Variants in TBCK observed in about 807,000 individuals in gnomAD.
TBCK encodes the protein TBC domain-containing protein kinase-like protein.
A neutral mutation model predicts 113.4 loss-of-function variants in TBCK; 99 were observed. That is an observed-to-expected ratio of 0.87 (90% confidence interval 0.74 to 1.03). The LOEUF (loss-of-function observed/expected upper bound fraction) is 1.03. Ranked by LOEUF, TBCK falls within the 50% of genes least tolerant of loss-of-function variation. The probability of loss-of-function intolerance (pLI) is 0.00; values close to 1 mark genes in which losing one functional copy is unlikely to be tolerated. For synonymous variants in TBCK, 369 were observed against 370.8 expected (o/e 1.00, Z 0.05); for missense variants, 1,045 against 1,061.3 (o/e 0.98, Z 0.21).
chr4:106,312,308 A>G (rs1768283727), intron 1 of TBCK, among the ~76,000 whole-genome samples: 1 of 152,192 alleles, frequency 6.6e-6, no homozygotes, highest in South Asian at 2.1e-4. Context: ...TAAATAGGTA[A>G]AAGTCACAAA....
At chr4:106,165,904 C>T (rs1397062161) in intron 23 of TBCK, among the ~76,000 whole-genome samples, 1 of 151,700 alleles carries the variant, frequency 6.6e-6, no homozygotes, top group Non-Finnish European at 1.5e-5. Context: ...TTATAAAACT[C>T]TGCTTCAGGG....
intron 5 of TBCK, among the ~76,000 whole-genome samples, chr4:106,253,492 A>C (rs1029149767): frequency 7.2e-5 from 11 of 152,148 alleles, no homozygotes; most frequent in African/African-American, 2.7e-4. Context: ...AAGCCATAGG[A>C]TATGTGCACT....
intron 5 of TBCK, 97 bp from the exon 6 acceptor site, chr4:106,252,104 A>C: frequency 1.1e-6 from 1 of 948,958 alleles, no homozygotes; most frequent in Non-Finnish European, 1.5e-6. Flanking sequence ...TAAAAGTCTC[A>C]TGCAATTAAA....
At chr4:106,060,993 A>G (rs1735973486) in intron 25 of TBCK, among the ~76,000 whole-genome samples, 1 of 151,770 alleles carries the variant, frequency 6.6e-6, no homozygotes, top group South Asian at 2.1e-4. Flanking sequence ...GAACTGCTGC[A>G]ATCTCATGAT....
chr4:106,190,760 A>C (rs760533797), intron 22 of TBCK, among the ~76,000 whole-genome samples: 13 of 151,904 alleles, frequency 8.6e-5, no homozygotes, highest in Non-Finnish European at 1.5e-4. Flanking sequence ...TTTTTTATGG[A>C]GACAGAGTCT....
chr4:106,078,583 G>A (rs575004247), intron 25 of TBCK, among the ~76,000 whole-genome samples: 1 of 152,082 alleles, frequency 6.6e-6, no homozygotes, highest in East Asian at 1.9e-4. Flanking sequence ...ATTGAACCAG[G>A]AAGAAATTAC....
intron 19 of TBCK, among the ~76,000 whole-genome samples, chr4:106,219,849 C>G (rs981255375): frequency 5.3e-5 from 8 of 151,942 alleles, no homozygotes; most frequent in Non-Finnish European, 2.9e-5. Context: ...ATTGAAATGA[C>G]AATAACATCA....
intron 25 of TBCK, among the ~76,000 whole-genome samples, chr4:106,064,290 A>G (rs1736379378): frequency 6.6e-6 from 1 of 151,948 alleles, no homozygotes; most frequent in African/African-American, 2.4e-5. Context: ...CACATGTAGA[A>G]AGTATCAGTT....
chr4:106,100,216 T>C (rs548898641), intron 24 of TBCK, among the ~76,000 whole-genome samples: 18 of 152,340 alleles, frequency 1.2e-4, no homozygotes, highest in Admixed American at 3.9e-4. Flanking sequence ...CAATGTGTAT[T>C]ATATTTATTT....
intron 11 of TBCK, among the ~76,000 whole-genome samples, chr4:106,243,419 A>T (rs907988053): frequency 1.6e-4 from 25 of 152,204 alleles, no homozygotes; most frequent in African/African-American, 6.0e-4. Context: ...ATTTGTTTAC[A>T]ATTTCAATAA....
At chr4:106,167,446 C>G (rs1750528974) in intron 23 of TBCK, among the ~76,000 whole-genome samples, 1 of 150,986 alleles carries the variant, frequency 6.6e-6, no homozygotes, top group South Asian at 2.1e-4. Context: ...GTTCTAAAAT[C>G]AATGATCTAA....
chr4:106,242,594 T>C, intron 11 of TBCK, 25 bp from the exon 12 acceptor site: 1 of 1,462,172 alleles, frequency 6.8e-7, no homozygotes, highest in South Asian at 1.2e-5. Context: ...TTAAAAATAA[T>C]ATGTACACAA....
At chr4:106,209,401 T>C (rs578077681) in intron 20 of TBCK, among the ~76,000 whole-genome samples, 1 of 152,266 alleles carries the variant, frequency 6.6e-6, no homozygotes, top group African/African-American at 2.4e-5. Context: ...ACCAATACAA[T>C]AGAAGCCCCT....
intron 25 of TBCK, among the ~76,000 whole-genome samples, chr4:106,092,886 G>A (rs1740471850): frequency 6.6e-6 from 1 of 152,234 alleles, no homozygotes; most frequent in Non-Finnish European, 1.5e-5. Context: ...GCCAGAGTGG[G>A]TGCTGAGGCC....
intron 23 of TBCK, among the ~76,000 whole-genome samples, chr4:106,134,010 C>T (rs1465820232): frequency 7.6e-6 from 1 of 131,644 alleles, no homozygotes; most frequent in Non-Finnish European, 1.6e-5. Context: ...GATTCCGTCT[C>T]AAACAAAAAC....
intron 24 of TBCK, among the ~76,000 whole-genome samples, chr4:106,109,522 G>A (rs919676917): frequency 2.0e-5 from 3 of 152,020 alleles, no homozygotes; most frequent in African/African-American, 4.8e-5. Context: ...ACAAGAAATG[G>A]GAAAAAGACT....
chr4:106,281,353 T>C (rs1206733601), intron 3 of TBCK, among the ~76,000 whole-genome samples: 12 of 152,062 alleles, frequency 7.9e-5, no homozygotes, highest in African/African-American at 2.9e-4. Context: ...AAGATCATAT[T>C]ATCTGTTAAC....
chr4:106,081,098 C>A (rs79653575), intron 25 of TBCK, among the ~76,000 whole-genome samples: 1 of 151,992 alleles, frequency 6.6e-6, no homozygotes, highest in Non-Finnish European at 1.5e-5. Flanking sequence ...CATTGTGGAA[C>A]TAACTGGAAT....
rs1560798830 is a variant in TBCK, at chr4:106,194,736, A to C, written c.1879T>G (p.Phe627Val). 1 of 1,590,010 alleles carries C rather than the reference A, an allele frequency of 6.3e-7. No homozygotes were observed. Among genetic ancestry groups the C allele is most frequent in the Middle Eastern group, 1.7e-4 (1 of 5,982 alleles). Residue 627 changes from phenylalanine (F) to valine (V), a missense_variant, in exon 21 of 26, where the codon TTT becomes GTT. Phe to Val is a conservative substitution (Grantham distance 50). Transcript: ENST00000394708. ...TACTTACGAGTAAACATGGTAAGAA[A>C]CCAAGGGATGGCATAGAGCTATGAG... ...FIPDLYAIPW[F>V]LTMFTHVFPL...
Sources: gnomAD v4.1 joint callset for allele counts (sites outside exome capture counted in the v4.1 genomes callset) on GRCh38, gnomAD v4.1.1 for gene constraint, MANE v1.5 for transcripts, NCBI Gene and HGNC (gene_info 2026-07-23, HGNC 2026-07-21) for gene names.